The following ERAP1 variants were observed in gnomAD, a reference collection of about 807,000 sequenced individuals.
The protein encoded by ERAP1 is endoplasmic reticulum aminopeptidase 1, also known as adipocyte-derived leucine aminopeptidase.
In ERAP1, 86 loss-of-function variants were observed where a neutral mutation model predicts 103.7. That is an observed-to-expected ratio of 0.83 (90% CI 0.70 to 0.99). The LOEUF is 0.99. Ranked by LOEUF, ERAP1 falls within the 50% of genes least tolerant of loss-of-function variation. ERAP1 has a pLI of 0.00. For synonymous variants in ERAP1, 398 were observed against 402.4 expected (o/e 0.99, Z 0.13); for missense variants, 1,009 against 1,128.4 (o/e 0.89, Z 1.52).
chr5:96,843,141 T>C, the ERAP1 span, among the ~76,000 whole-genome samples: 5 of 152,294 alleles, frequency 3.3e-5, no homozygotes, highest in East Asian at 9.6e-4. Context: ...CAGAGATTTA[T>C]TGAAAATGAA....
the ERAP1 span, chr5:96,902,409 A>G: frequency 9.3e-7 from 1 of 1,071,530 alleles, no homozygotes; most frequent in Non-Finnish European, 1.4e-6. Flanking sequence ...ACATGTGTTG[A>G]GCTATTTGAA....
At chr5:96,770,394 G>A, downstream of ERAP1, 1 of 600,942 alleles carries the variant, frequency 1.7e-6, no homozygotes, top group African/African-American at 1.9e-5. Context: ...AAAAAATCAT[G>A]AAAAAACACC....
chr5:96,892,346 G>A, the ERAP1 span: 1 of 1,613,778 alleles, frequency 6.2e-7, no homozygotes, highest in Non-Finnish European at 8.5e-7. Context: ...GGAAAATTGG[G>A]GCCTCATTAC....
At chr5:96,767,479 A>G in intron 19 of ERAP1, 2 of 1,611,944 alleles carry the variant, frequency 1.2e-6, no homozygotes, top group Non-Finnish European at 1.7e-6. Context: ...CAGAGGATTC[A>G]AAGGTAAAGA....
chr5:96,776,262 G>T lies in ERAP1; in HGVS notation c.*134C>A. Reference sequence around the variant, plus strand: ...AAAACTAACAGCTATTCTTTTCACAGGGATAGTCAAAAAATGAGTTGAAGG... The same window carrying T: ...AAAACTAACAGCTATTCTTTTCACATGGATAGTCAAAAAATGAGTTGAAGG... On this transcript the variant is annotated 3_prime_UTR_variant, in exon 19 of 19. Transcript: ENST00000443439. The T allele has an allele frequency of 7.2e-7, 1 of 1,380,752 alleles. No homozygotes were observed. Among genetic ancestry groups the T allele is most frequent in the Non-Finnish European group, 9.8e-7 (1 of 1,024,536 alleles). 85.5% of individuals were successfully genotyped at this position (1,380,752 alleles called of 1,614,324 possible). A position where few individuals can be genotyped will look rare whatever the true frequency, so the allele number is the denominator to read the frequency against.
At chr5:96,776,705 G>A (rs1255115657) in intron 18 of ERAP1, among the ~76,000 whole-genome samples, 154 bp from the exon 19 acceptor site, 2 of 152,214 alleles carry the variant, frequency 1.3e-5, no homozygotes, top group Admixed American at 1.3e-4. Context: ...CACATAAGCT[G>A]TATGAAATGA....
At chr5:96,850,559 G>A in the ERAP1 span, among the ~76,000 whole-genome samples, 1 of 152,110 alleles carries the variant, frequency 6.6e-6, no homozygotes, top group Non-Finnish European at 1.5e-5. Flanking sequence ...ACACCTGTTA[G>A]AATGGCTATA....
the ERAP1 span, among the ~76,000 whole-genome samples, chr5:96,865,286 CA>C: frequency 6.6e-6 from 1 of 152,090 alleles, no homozygotes; most frequent in Non-Finnish European, 1.5e-5. Flanking sequence ...TTAAAGTACC[CA>C]ACCAGAACAG....
chr5:96,764,449 AG>A (rs1318186651), intron 19 of ERAP1, among the ~76,000 whole-genome samples: 1 of 152,188 alleles, frequency 6.6e-6, no homozygotes, highest in East Asian at 1.9e-4. Flanking sequence ...CTAGAATACC[AG>A]CTCCCATTTC....
At chr5:96,918,783 A>G in the ERAP1 span, 1 of 152,180 alleles carries the variant, frequency 6.6e-6, no homozygotes. Flanking sequence ...ATTAGATTGT[A>G]TTGTGTATTT....
the ERAP1 span, among the ~76,000 whole-genome samples, chr5:96,856,048 A>G: frequency 6.6e-6 from 1 of 151,806 alleles, no homozygotes; most frequent in Admixed American, 6.6e-5. Context: ...GGCCGGACAC[A>G]GTGGCTCATG....
At chr5:96,777,165 G>GA (rs1195078348) in intron 18 of ERAP1, among the ~76,000 whole-genome samples, 25 of 152,306 alleles carry the variant, frequency 1.6e-4, no homozygotes, top group Non-Finnish European at 3.1e-4. Flanking sequence ...GCTACCTCCT[G>GA]AAAAATATGT....
rs201661856 is a variant in ERAP1, at chr5:96,790,385, A to G, written c.1453-18T>C. ...GGGCAAATCTAAAAACCAAAAATAAACACATCACTCTTATTTCTATAGAAA... is the reference window on the plus strand; with the variant it reads ...GGGCAAATCTAAAAACCAAAAATAAGCACATCACTCTTATTTCTATAGAAA... On this transcript the variant is annotated intron_variant, in intron 9 of 18. Transcript: ENST00000443439. 162 of 1,612,964 alleles carry G rather than the reference A, an allele frequency of 1.0e-4. No individual in the cohort carries two copies. The highest frequency in any genetic ancestry group is 1.2e-4 in the Non-Finnish European group (147 of 1,179,170).
chr5:96,817,434 T>C, the ERAP1 span, among the ~76,000 whole-genome samples: 1 of 152,158 alleles, frequency 6.6e-6, no homozygotes, highest in Non-Finnish European at 1.5e-5. Context: ...CAATTATAAA[T>C]AAGAAAAAGA....
chr5:96,887,898 G>A, the ERAP1 span, among the ~76,000 whole-genome samples: 1 of 152,160 alleles, frequency 6.6e-6, no homozygotes, highest in Non-Finnish European at 1.5e-5. Flanking sequence ...GGCGGAGGCT[G>A]GCAGATCGCC....
Position 96,784,213 on chromosome 5 carries a change from G to A in ERAP1, c.1944-133C>T, listed in dbSNP as rs192300325. 9.1e-5 allele frequency: 86 copies of A among 940,620 alleles called. No homozygotes were observed. The African/African-American group carries it at 9.6e-4, about 11-fold the overall frequency. The allele number at this position is 940,620 out of a possible 1,614,324, so 58.3% of individuals were successfully genotyped here. A position where few individuals can be genotyped will look rare whatever the true frequency, so the allele number is the denominator to read the frequency against. On this transcript the variant is annotated intron_variant, in intron 13 of 18. Coordinates refer to ENST00000443439, the MANE Select transcript of ERAP1 (RefSeq NM_001040458.3). The stretch of plus-strand genomic sequence containing the variant: ...ATGTCCCTTATAAATAGATAACTAC[G>A]GCCGGGCGCGGTGGCTCATGCCTGT...
At chr5:96,840,397 T>C in the ERAP1 span, among the ~76,000 whole-genome samples, 1 of 152,176 alleles carries the variant, frequency 6.6e-6, no homozygotes, top group Non-Finnish European at 1.5e-5. Flanking sequence ...CTTTTTTTTC[T>C]CTTTCCCCCA....
chr5:96,762,005 TAAAC>T lies in ERAP1; in HGVS notation c.*1191_*1194del, dbSNP rs534460427. On this transcript the variant is annotated 3_prime_UTR_variant, in exon 20 of 20. Coordinates refer to the ERAP1 transcript ENST00000296754. ...ACCTAAATGTACAACAGGAAATGTG[TAAAC>T]AAACCGTGGAACTCTAAGTTATATT... 2.8e-4 allele frequency: 75 copies of T among 264,012 alleles called. 1 individual carries two copies. In the South Asian group the frequency reaches 8.6e-3, roughly 30 times the overall value. 16.4% of individuals were successfully genotyped at this position (264,012 alleles called of 1,614,324 possible). A position where few individuals can be genotyped will look rare whatever the true frequency, so the allele number is the denominator to read the frequency against.
chr5:96,809,503 CT>C (rs979062261), upstream of ERAP1, among the ~76,000 whole-genome samples: 4 of 151,264 alleles, frequency 2.6e-5, no homozygotes, highest in East Asian at 5.8e-4. Context: ...CAGTATTTCT[CT>C]TTTTTTTTCA....
Sources: gnomAD v4.1 joint callset for allele counts (sites outside exome capture counted in the v4.1 genomes callset) on GRCh38, gnomAD v4.1.1 for gene constraint, MANE v1.5 for transcripts, NCBI Gene and HGNC (gene_info 2026-07-23, HGNC 2026-07-21) for gene names.